NAT1: variants seen among roughly 807,000 people sequenced by gnomAD.
The protein encoded by NAT1 is N-acetyltransferase 1, also known as arylamine N-acetyltransferase 1.
For missense variants in NAT1, 400 were observed against 339.2 expected, an observed-to-expected ratio of 1.18 and a Z score of -1.41; for synonymous variants, 144 against 122.6, an observed-to-expected ratio of 1.17 and a Z score of -1.16.
intron 2 of NAT1, among the ~76,000 whole-genome samples, chr8:18,187,669 G>C (rs186271298): frequency 2.6e-5 from 4 of 151,860 alleles, no homozygotes; most frequent in African/African-American, 7.3e-5. Context: ...ACATGGACAC[G>C]AAGAAGGGAA....
chr8:18,183,090 G>C lies in NAT1; in HGVS notation n.92+12351G>C, dbSNP rs117245982. ...CAGAAATGTATTGGCTCATAGTTCT[G>C]AGGACTGGGAAGACTAAGGTCAATG... On this transcript the variant is annotated intron_variant and non_coding_transcript_variant, in intron 2 of 4. Coordinates refer to the NAT1 transcript ENST00000517441. Among the ~76,000 whole-genome samples the C allele has an allele frequency of 1.1e-4, 17 of 152,244 alleles. No individual in the cohort carries two copies. In the East Asian group the frequency reaches 3.1e-3, roughly 28 times the overall value.
At position 18,222,304 on chromosome 8, in the gene NAT1, C is replaced by T; in HGVS notation, c.257C>T (p.Thr86Ile). 3 of 1,614,028 alleles carry T rather than the reference C, an allele frequency of 1.9e-6. No individual in the cohort carries two copies. The highest frequency in any genetic ancestry group is 1.7e-6 in the Non-Finnish European group (2 of 1,180,000). Residue 86 changes from threonine (T) to isoleucine (I), a missense_variant, in exon 3 of 3, where the codon ACC becomes ATC. By Grantham distance (89) the Thr-to-Ile change is moderately conservative. Coordinates refer to ENST00000307719, the MANE Select transcript of NAT1 (RefSeq NM_000662.8). ...YWALTTIGFE[T>I]TMLGGYVYST... ...GCTCTGACCACTATTGGTTTTGAGA[C>T]CACGATGTTGGGAGGGTATGTTTAC... is the stretch of plus-strand genomic sequence containing the variant.
At chr8:18,180,897 G>C (rs957875805) in intron 2 of NAT1, among the ~76,000 whole-genome samples, 2 of 152,068 alleles carry the variant, frequency 1.3e-5, no homozygotes, top group African/African-American at 4.8e-5. Context: ...ATGCTGCTTT[G>C]GTTGCTATAG....
At chr8:18,180,799 A>T (rs1802480728) in intron 2 of NAT1, among the ~76,000 whole-genome samples, 1 of 152,150 alleles carries the variant, frequency 6.6e-6, no homozygotes, top group Non-Finnish European at 1.5e-5. Context: ...ATCAGTTTTT[A>T]AAAATGAGGT....
At chr8:18,173,146 G>GCACACACACACACA (rs3038965) in intron 2 of NAT1, among the ~76,000 whole-genome samples, 84 of 146,634 alleles carry the variant, frequency 5.7e-4, no homozygotes, top group East Asian at 4.1e-3. Flanking sequence ...ACACAGAGAT[G>GCACACACACACACA]CACACACACA....
At chr8:18,193,996 G>A (rs185313414) in intron 2 of NAT1, among the ~76,000 whole-genome samples, 8 of 152,200 alleles carry the variant, frequency 5.3e-5, no homozygotes, top group African/African-American at 1.7e-4. Flanking sequence ...TCTCCATCAC[G>A]TCCTCTTTCA....
intron 2 of NAT1, among the ~76,000 whole-genome samples, chr8:18,187,366 T>A (rs527418387): frequency 9.6e-4 from 146 of 152,314 alleles, no homozygotes; most frequent in Admixed American, 3.6e-3. Flanking sequence ...CAAAGGAATA[T>A]AAATTGCTCT....
At chr8:18,216,911 A>C (rs1177533679) in intron 1 of NAT1, 2 of 1,551,250 alleles carry the variant, frequency 1.3e-6, no homozygotes, top group Admixed American at 3.9e-5. Flanking sequence ...TATTACTCTT[A>C]CACAAGGAGG....
At chr8:18,199,690 G>A (rs1017271327) in intron 2 of NAT1, among the ~76,000 whole-genome samples, 1 of 152,178 alleles carries the variant, frequency 6.6e-6, no homozygotes, top group Non-Finnish European at 1.5e-5. Context: ...TTGAGTGTGT[G>A]ATGGCTGATA....
rs529439301 is a variant in NAT1, at chr8:18,191,674, C to G, written n.93-18107C>G. ...GATCGATGGAACAGAACAGAGCCCT[C>G]AGAAATAACGCCGCATATCTACAAC... On this transcript the variant is annotated intron_variant and non_coding_transcript_variant, in intron 2 of 4. Coordinates refer to the NAT1 transcript ENST00000517441. Among the ~76,000 whole-genome samples, 116 of 152,200 alleles carry G rather than the reference C, an allele frequency of 7.6e-4. No individual in the cohort carries two copies. In the Middle Eastern group the frequency reaches 0.037, roughly 49 times the overall value.
At chr8:18,177,289 A>C (rs184867441) in intron 2 of NAT1, among the ~76,000 whole-genome samples, 3 of 152,202 alleles carry the variant, frequency 2.0e-5, no homozygotes, top group Non-Finnish European at 4.4e-5. Context: ...AAAGACATTG[A>C]ATAGGTTTTG....
intron 2 of NAT1, among the ~76,000 whole-genome samples, chr8:18,195,514 G>T (rs1370134149): frequency 5.3e-5 from 8 of 152,086 alleles, no homozygotes; most frequent in African/African-American, 1.9e-4. Context: ...TGGAAGTTTG[G>T]ACCCATCCCC....
In NAT1 at chr8:18,195,725, T is replaced by C. The variant is rs116803221; in HGVS notation, n.93-14056T>C. On this transcript the variant is annotated intron_variant and non_coding_transcript_variant, in intron 2 of 4. Transcript: ENST00000517441. ...TTAGGGTCTAAAATAGTGTGGTCTG[T>C]CCTCCTGAGCTTTTTTCTAGGTGTA... Among the ~76,000 whole-genome samples, 817 of 152,266 alleles carry C rather than the reference T, an allele frequency of 5.4e-3. 9 individuals carry two copies. The highest frequency in any genetic ancestry group is 0.019 in the African/African-American group (776 of 41,534).
chr8:18,222,933 A>G lies in NAT1; in HGVS notation c.*13A>G. 6.6e-7 allele frequency: 1 copy of G among 1,525,724 alleles called. No homozygotes were observed. Among genetic ancestry groups the G allele is most frequent in the Non-Finnish European group, 8.8e-7 (1 of 1,142,752 alleles). 94.5% of individuals were successfully genotyped at this position (1,525,724 alleles called of 1,614,324 possible). ...TTTTACTATTTAGAATAAGGAGTAA[A>G]ACAATCTTGTCTATTTGTCATCCAG... On this transcript the variant is annotated 3_prime_UTR_variant, in exon 3 of 3. Coordinates refer to ENST00000307719, the MANE Select transcript of NAT1 (RefSeq NM_000662.8).
At chr8:18,208,456 G>C (rs1228341426), upstream of NAT1, among the ~76,000 whole-genome samples, 1 of 152,090 alleles carries the variant, frequency 6.6e-6, no homozygotes, top group Non-Finnish European at 1.5e-5. Context: ...ACAAAAATCA[G>C]TTGCATTTCT....
intron 2 of NAT1, among the ~76,000 whole-genome samples, chr8:18,184,506 A>G (rs1206008206): frequency 6.6e-6 from 1 of 152,216 alleles, no homozygotes. Flanking sequence ...TCTTTTATCC[A>G]TTTAATCTAC....
intron 2 of NAT1, among the ~76,000 whole-genome samples, chr8:18,188,112 CT>C (rs1802819391): frequency 6.6e-6 from 1 of 152,128 alleles, no homozygotes; most frequent in South Asian, 2.1e-4. Context: ...TACTTTTACT[CT>C]TTGTACCTGA....
intron 2 of NAT1, among the ~76,000 whole-genome samples, chr8:18,192,604 T>C (rs1384272400): frequency 1.3e-5 from 2 of 152,054 alleles, no homozygotes; most frequent in South Asian, 2.1e-4. Flanking sequence ...TGTCCAACAA[T>C]GATAGACTGG....
At chr8:18,173,477 T>C (rs1288899822) in intron 2 of NAT1, among the ~76,000 whole-genome samples, 5 of 152,212 alleles carry the variant, frequency 3.3e-5, no homozygotes, top group South Asian at 2.1e-4. Flanking sequence ...CATGTGCTTA[T>C]GCTGTGCACC....
Sources: allele counts gnomAD v4.1 joint callset (sites outside exome capture counted in the v4.1 genomes callset), GRCh38; gene constraint gnomAD v4.1.1; transcripts MANE v1.5; gene names NCBI Gene and HGNC (gene_info 2026-07-23, HGNC 2026-07-21).